ZNF257: variants seen among roughly 807,000 people sequenced by gnomAD.
The protein encoded by ZNF257 is bone marrow zinc finger 4.
Under a neutral mutation model 11.9 loss-of-function variants are expected in ZNF257, and 12 were observed. The ratio of observed to expected loss-of-function variants is 1.01; its 90% CI spans 0.65 to 1.63. The LOEUF (loss-of-function observed/expected upper bound fraction) is 1.63, where lower values mean the gene tolerates loss of function less well. Ranked by LOEUF, ZNF257 falls within the 40% of genes most tolerant of loss-of-function variation. ZNF257 has a pLI of 0.00. For synonymous variants in ZNF257, 183 were observed against 222.7 expected (o/e 0.82, Z 1.59); for missense variants, 580 against 665.5 (o/e 0.87, Z 1.41).
At chr19:22,055,499 C>T (rs1297561538) in intron 1 of ZNF257, among the ~76,000 whole-genome samples, 2 of 151,858 alleles carry the variant, frequency 1.3e-5, no homozygotes, top group African/African-American at 4.8e-5. Flanking sequence ...AGCCACCGTG[C>T]CTGGCCAAAA....
Position 22,073,515 on chromosome 19 carries a change from A to G in ZNF257, c.177A>G (p.Gly59=). The change falls in exon 3 of 4, where the codon GGA becomes GGG. Residue 59 remains glycine (G), a synonymous_variant. Transcript: ENST00000594947. ...ACCTGATCACCTGTCTGGAGCAAGG[A>G]AAAGAGCCCTGTAATATGAAGAGAC... ...KPDLITCLEQ[G]KEPCNMKRHE... 6.2e-7 allele frequency: 1 copy of G among 1,612,056 alleles called. No homozygotes were observed. Among genetic ancestry groups the G allele is most frequent in the South Asian group, 1.1e-5 (1 of 90,846 alleles).
rs921759440 is a variant in ZNF257, at chr19:22,089,177, A to G, written c.1427A>G (p.Gln476Arg). Residue 476 changes from glutamine (Q) to arginine (R), a missense_variant, in exon 4 of 4, where the codon CAA becomes CGA. Physicochemically the swap from Gln to Arg is conservative, Grantham distance 43 (BLOSUM62 1). Coordinates refer to ENST00000594947, the MANE Select transcript of ZNF257 (RefSeq NM_033468.4). ...KAFNQSSHLT[Q>R]HKIIHTGEKP... ...TTTAACCAGTCTTCACACCTTACTC[A>G]ACATAAAATAATTCATACTGGGGAG... is the stretch of plus-strand genomic sequence containing the variant. 1.9e-6 allele frequency: 3 copies of G among 1,613,540 alleles called. No homozygotes were observed. The highest frequency in any genetic ancestry group is 8.5e-7 in the Non-Finnish European group (1 of 1,179,808).
chr19:22,059,435 C>A (rs2021732755), intron 1 of ZNF257, among the ~76,000 whole-genome samples: 1 of 151,940 alleles, frequency 6.6e-6, no homozygotes, highest in African/African-American at 2.4e-5. Flanking sequence ...ATTACATGCG[C>A]CTGCCACCAC....
chr19:22,084,383 T>C (rs56369285), intron 3 of ZNF257, among the ~76,000 whole-genome samples: 34,684 of 151,952 alleles, frequency 0.23, 4,686 homozygotes, highest in South Asian at 0.45. Context: ...TTGTTTTAAT[T>C]CTGTAGCTTT....
chr19:22,052,753 T>C, intron 1 of ZNF257, 118 bp downstream of exon 1: 2 of 1,293,604 alleles, frequency 1.5e-6, no homozygotes, highest in Non-Finnish European at 2.2e-6. Context: ...TGCGCCCGAG[T>C]TTTCCTTGGC....
chr19:22,066,222 A>T (rs1382830693), intron 1 of ZNF257: 1 of 152,734 alleles, frequency 6.5e-6, no homozygotes, highest in Admixed American at 6.6e-5. Flanking sequence ...CACAGGGATG[A>T]CTCTTGGAGT....
At chr19:22,067,869 C>A (rs974833060) in intron 1 of ZNF257, among the ~76,000 whole-genome samples, 22 of 147,898 alleles carry the variant, frequency 1.5e-4, no homozygotes, top group African/African-American at 5.4e-4. Context: ...ATGAGAAACA[C>A]AATTATGTCT....
intron 3 of ZNF257, among the ~76,000 whole-genome samples, chr19:22,081,587 G>A (rs1207991661): frequency 6.6e-6 from 1 of 151,966 alleles, no homozygotes; most frequent in Non-Finnish European, 1.5e-5. Context: ...GGTTTGCAGT[G>A]GTTTAATGAT....
rs959822752 is a variant in ZNF257 at position 22,079,969 on chromosome 19, G to T, written c.226+6405G>T. ...AGAAAACGCACAGTGTATAATTTTG[G>T]TATACTTAAATGTATTTATTGTTGT... On this transcript the variant is annotated intron_variant, in intron 3 of 3. Coordinates refer to ENST00000594947, the MANE Select transcript of ZNF257 (RefSeq NM_033468.4). Among the ~76,000 whole-genome samples the T allele has an allele frequency of 2.0e-4, 30 of 151,944 alleles. 1 individual carries two copies. Among genetic ancestry groups the T allele is most frequent in the African/African-American group, 7.0e-4 (29 of 41,352 alleles).
intron 3 of ZNF257, among the ~76,000 whole-genome samples, chr19:22,079,086 C>T (rs2022301223): frequency 6.6e-6 from 1 of 152,190 alleles, no homozygotes; most frequent in South Asian, 2.1e-4. Flanking sequence ...GCCACCACCG[C>T]ACCTGGCTGG....
intron 2 of ZNF257, 51 bp downstream of exon 2, chr19:22,072,986 T>A: frequency 1.4e-6 from 2 of 1,440,858 alleles, no homozygotes; most frequent in Non-Finnish European, 1.8e-6. Flanking sequence ...AGGCTTTATT[T>A]TTTATTTATT....
intron 1 of ZNF257, among the ~76,000 whole-genome samples, chr19:22,065,547 T>TA (rs2021922345): frequency 6.6e-6 from 1 of 152,190 alleles, no homozygotes; most frequent in Non-Finnish European, 1.5e-5. Context: ...ACTAGTACAT[T>TA]AAAATTATAT....
At position 22,088,330 on chromosome 19, in the gene ZNF257, A is replaced by T. The variant is rs1282303977; in HGVS notation, c.580A>T (p.Ile194Phe). The T allele has an allele frequency of 6.2e-7, 1 of 1,613,690 alleles. No individual in the cohort carries two copies. The highest frequency in any genetic ancestry group is 1.1e-5 in the South Asian group (1 of 91,050). ...MLSQLTRHKR[I>F]HIRENSHKCE... ...TTCACAACTAACTCGACATAAGAGA[A>T]TTCATATTAGAGAGAATTCCCACAA... The change falls in exon 4 of 4, where the codon ATT (isoleucine) becomes TTT (phenylalanine). Residue 194 changes from isoleucine (I) to phenylalanine (F), a missense_variant. Ile to Phe is a conservative substitution (Grantham distance 21). Coordinates refer to ENST00000594947, the MANE Select transcript of ZNF257 (RefSeq NM_033468.4).
At chr19:22,073,643 A>G (rs1285890618) in intron 3 of ZNF257, 79 bp downstream of exon 3, 20 of 1,500,852 alleles carry the variant, frequency 1.3e-5, no homozygotes, top group Non-Finnish European at 1.7e-5. Flanking sequence ...AGTCCTTAAA[A>G]TGTCATTTCG....
Position 22,088,443 on chromosome 19 carries a change from T to C in ZNF257, c.693T>C (p.Cys231=). 1 of 1,613,684 alleles carries C rather than the reference T, an allele frequency of 6.2e-7. No individual in the cohort carries two copies. The highest frequency in any genetic ancestry group is 8.5e-7 in the Non-Finnish European group (1 of 1,179,836). Residue 231 remains cysteine, a synonymous_variant, in exon 4 of 4, where the codon TGT becomes TGC. Transcript: ENST00000594947. ...MTHTGEKPYK[C]EECGKAFNRS... ...ATACTGGAGAGAAACCCTACAAATG[T>C]GAAGAGTGTGGAAAAGCTTTTAACC... is the stretch of plus-strand genomic sequence containing the variant.
rs1224742560 is a variant in ZNF257 at position 22,090,926 on chromosome 19, G to C, written c.*1484G>C. 6.6e-6 allele frequency: 1 copy of C among 152,120 alleles called. No homozygotes were observed. The highest frequency in any genetic ancestry group is 1.5e-5 in the Non-Finnish European group (1 of 68,010). 9.4% of individuals were successfully genotyped at this position (152,120 alleles called of 1,614,324 possible). On this transcript the variant is annotated 3_prime_UTR_variant, in exon 4 of 4. Coordinates refer to ENST00000594947, the MANE Select transcript of ZNF257 (RefSeq NM_033468.4). The stretch of plus-strand genomic sequence containing the variant: ...TAGTAAGGACACTGAAATATAAGAT[G>C]CATAAGAGTCTAAGTGAAGAGGTTC...
chr19:22,076,862 G>T (rs1303000667), intron 3 of ZNF257, among the ~76,000 whole-genome samples: 1 of 151,970 alleles, frequency 6.6e-6, no homozygotes, highest in East Asian at 1.9e-4. Flanking sequence ...CTAATTTTTG[G>T]TATTTTTAGT....
chr19:22,065,211 G>GT (rs1036092683), intron 1 of ZNF257, among the ~76,000 whole-genome samples: 3 of 151,344 alleles, frequency 2.0e-5, no homozygotes, highest in Non-Finnish European at 2.9e-5. Flanking sequence ...GTTTTGTTTT[G>GT]TTTTTTCAAT....
Position 22,074,756 on chromosome 19 carries a change from T to C in ZNF257, c.226+1192T>C, listed in dbSNP as rs148316037. Reference sequence around the variant, plus strand: ...AACCATAACTTGTATTTTAATTTTATATTTTGCTAATTTACGGAGTTTATT... The same window carrying C: ...AACCATAACTTGTATTTTAATTTTACATTTTGCTAATTTACGGAGTTTATT... On this transcript the variant is annotated intron_variant, in intron 3 of 3. Transcript: ENST00000594947. 1.4e-3 allele frequency among the ~76,000 whole-genome samples: 212 copies of C among 152,314 alleles called. 5 individuals are homozygous for C. The East Asian group carries it at 0.039, about 28-fold the overall frequency.
Sources: allele counts gnomAD v4.1 joint callset (sites outside exome capture counted in the v4.1 genomes callset), GRCh38; gene constraint gnomAD v4.1.1; transcripts MANE v1.5; gene names NCBI Gene and HGNC (gene_info 2026-07-23, HGNC 2026-07-21).